PPP2R2B: variants seen among roughly 807,000 people sequenced by gnomAD.
The protein encoded by PPP2R2B is protein phosphatase 2 regulatory subunit Bbeta.
Under a neutral mutation model 46.0 loss-of-function variants are expected in PPP2R2B, and 5 were observed. The ratio of observed to expected loss-of-function variants is 0.11; its 90% confidence interval spans 0.06 to 0.23. The LOEUF is 0.23. Ranked by LOEUF, PPP2R2B falls within the 10% of genes least tolerant of loss-of-function variation. The pLI, the probability that PPP2R2B is intolerant of heterozygous loss-of-function variation, is 1.00. For synonymous variants in PPP2R2B, 215 were observed against 206.7 expected, an observed-to-expected ratio of 1.04 and a Z score of -0.34; for missense variants, 367 against 575.0, an observed-to-expected ratio of 0.64 and a Z score of 3.70.
chr5:146,880,179 T>G (rs921947088), upstream of PPP2R2B, among the ~76,000 whole-genome samples: 2 of 138,158 alleles, frequency 1.4e-5, no homozygotes, highest in Non-Finnish European at 3.2e-5. Context: ...CATAGTTATT[T>G]TGTGTGTGTG....
chr5:146,856,820 C>T (rs1489490619), intron 2 of PPP2R2B, among the ~76,000 whole-genome samples: 1 of 152,272 alleles, frequency 6.6e-6, no homozygotes, highest in Non-Finnish European at 1.5e-5. Flanking sequence ...AGAAGACAGA[C>T]AGAGAGCCAC....
At chr5:147,005,375 C>T (rs543449830) in intron 1 of PPP2R2B, among the ~76,000 whole-genome samples, 74 of 152,280 alleles carry the variant, frequency 4.9e-4, no homozygotes, top group Admixed American at 6.5e-4. Context: ...GGCACTTACC[C>T]GAGCTTTAGA....
Position 146,878,035 on chromosome 5 carries a change from T to A in PPP2R2B, c.37A>T (p.Ser13Cys). 1 of 1,613,996 alleles carries A rather than the reference T, an allele frequency of 6.2e-7. No homozygotes were observed. The highest frequency in any genetic ancestry group is 2.2e-5 in the East Asian group (1 of 44,830). ...GCATAGCTGTGGTCGCGCAGGAAAC[T>A]GTTGTTGATTTTGCGGGTATCAATG... ...EDIDTRKINN[S>C]FLRDHSYATE... The change falls in exon 2 of 10, where the codon AGT becomes TGT. Residue 13 changes from serine to cysteine, a missense_variant. Coordinates refer to ENST00000394411, the MANE Select transcript of PPP2R2B (RefSeq NM_181675.4). The surrounding 1 kb of genome is among the most constrained non-coding windows in gnomAD (Gnocchi z 4.5).
At chr5:146,721,892 A>G (rs1039406695) in intron 2 of PPP2R2B, among the ~76,000 whole-genome samples, 4 of 152,194 alleles carry the variant, frequency 2.6e-5, no homozygotes, top group African/African-American at 9.6e-5. Context: ...TAAAAATAAC[A>G]ATAATCATTA....
chr5:146,790,023 G>A (rs1227053432), intron 2 of PPP2R2B, among the ~76,000 whole-genome samples: 2 of 152,140 alleles, frequency 1.3e-5, no homozygotes. Context: ...ACAACACAAG[G>A]GCCTTGACAT....
chr5:146,787,876 C>T (rs1187433490), intron 2 of PPP2R2B, among the ~76,000 whole-genome samples: 1 of 152,078 alleles, frequency 6.6e-6, no homozygotes, highest in Non-Finnish European at 1.5e-5. Flanking sequence ...CCTATTCTTT[C>T]TTTCTTTAGG....
intron 7 of PPP2R2B, among the ~76,000 whole-genome samples, chr5:146,615,948 A>C (rs1773127741): frequency 6.6e-6 from 1 of 152,208 alleles, no homozygotes; most frequent in African/African-American, 2.4e-5. Flanking sequence ...CTTAAGCAAA[A>C]AACAAAACTG....
intron 5 of PPP2R2B, among the ~76,000 whole-genome samples, chr5:146,675,004 C>T (rs1435663085): frequency 2.0e-5 from 3 of 152,090 alleles, no homozygotes; most frequent in Non-Finnish European, 2.9e-5. Context: ...CGCTCTGTTG[C>T]CAGGCTGGAG....
intron 1 of PPP2R2B, among the ~76,000 whole-genome samples, chr5:146,989,460 G>A (rs1753586457): frequency 6.6e-6 from 1 of 151,946 alleles, no homozygotes; most frequent in African/African-American, 2.4e-5. Context: ...AAATCAATAA[G>A]TATGATGCAT....
intron 1 of PPP2R2B, chr5:147,040,609 C>G (rs1756246692): frequency 8.7e-6 from 3 of 343,598 alleles, no homozygotes; most frequent in South Asian, 6.9e-5. Flanking sequence ...TCAGGCTTGG[C>G]CCTTTACTTA....
intron 2 of PPP2R2B, among the ~76,000 whole-genome samples, chr5:146,869,223 A>G (rs925785937): frequency 6.6e-6 from 1 of 152,252 alleles, no homozygotes; most frequent in African/African-American, 2.4e-5. Flanking sequence ...AACAAATAGA[A>G]GACCACAGAT....
chr5:146,744,110 T>C (rs1460323914), intron 2 of PPP2R2B, among the ~76,000 whole-genome samples: 4 of 152,224 alleles, frequency 2.6e-5, no homozygotes, highest in African/African-American at 9.6e-5. Flanking sequence ...ATCTTTAAAG[T>C]ACATAGATGC....
At chr5:146,777,624 T>C (rs1304499492) in intron 2 of PPP2R2B, among the ~76,000 whole-genome samples, 2 of 152,178 alleles carry the variant, frequency 1.3e-5, no homozygotes, top group South Asian at 2.1e-4. Flanking sequence ...TTTTATGTTA[T>C]ATATATTTTA....
intron 2 of PPP2R2B, among the ~76,000 whole-genome samples, chr5:147,071,390 T>C (rs1757592513): frequency 6.6e-6 from 1 of 152,208 alleles, no homozygotes; most frequent in Non-Finnish European, 1.5e-5. Context: ...GTTTTTCAAC[T>C]AGTGGCTCTC....
At chr5:146,685,332 TG>T (rs1236937546) in intron 5 of PPP2R2B, among the ~76,000 whole-genome samples, 4 of 152,206 alleles carry the variant, frequency 2.6e-5, no homozygotes, top group Admixed American at 2.6e-4. Flanking sequence ...ATCTCTAAAA[TG>T]GGCAGGATGC....
intron 7 of PPP2R2B, among the ~76,000 whole-genome samples, chr5:146,634,486 C>A (rs1774663139): frequency 6.6e-6 from 1 of 152,102 alleles, no homozygotes; most frequent in African/African-American, 2.4e-5. Flanking sequence ...AGGTGTGTGT[C>A]ACCACACCTG....
intron 5 of PPP2R2B, among the ~76,000 whole-genome samples, chr5:146,689,704 T>C (rs1778723604): frequency 6.6e-6 from 1 of 152,166 alleles, no homozygotes; most frequent in Non-Finnish European, 1.5e-5. Context: ...TCAACAATAA[T>C]ACTCTTCACT....
At chr5:146,648,650 G>GT (rs1775741346) in intron 6 of PPP2R2B, among the ~76,000 whole-genome samples, 1 of 152,144 alleles carries the variant, frequency 6.6e-6, no homozygotes, top group African/African-American at 2.4e-5. Context: ...TCAAATCATG[G>GT]TAAGTACCAT....
chr5:146,812,833 A>ATT (rs1264853447), intron 2 of PPP2R2B, among the ~76,000 whole-genome samples: 1 of 108,384 alleles, frequency 9.2e-6, no homozygotes, highest in African/African-American at 3.7e-5. Context: ...ATATATACAC[A>ATT]CACATTTCCA....
Sources: allele counts gnomAD v4.1 joint callset (sites outside exome capture counted in the v4.1 genomes callset), GRCh38; gene constraint gnomAD v4.1.1; non-coding constraint Gnocchi (gnomAD v3.1); transcripts MANE v1.5; gene names NCBI Gene and HGNC (gene_info 2026-07-23, HGNC 2026-07-21).